CCNL2: variants seen among roughly 807,000 people sequenced by gnomAD.
CCNL2 encodes cyclin L2, also known as cyclin-L2.
CCNL2 carries 28 observed loss-of-function variants against 59.1 expected under a neutral mutation model. The ratio of observed to expected loss-of-function variants is 0.47; its 90% CI spans 0.35 to 0.65. The LOEUF (loss-of-function observed/expected upper bound fraction) is 0.65. Among genes scored for constraint, CCNL2 ranks in the 30% least tolerant of loss-of-function variants. The probability of loss-of-function intolerance (pLI) is 0.00; values close to 1 mark genes in which losing one functional copy is unlikely to be tolerated. For synonymous variants in CCNL2, 342 were observed against 288.6 expected (o/e 1.19, Z -1.88); for missense variants, 714 against 717.4 (o/e 1.00, Z 0.05).
chr1:1,399,298 C>A lies in CCNL2; in HGVS notation c.9G>T (p.Ala3=). Residue 3 remains alanine (A), a synonymous_variant, in exon 1 of 11, where the codon GCG becomes GCT. Transcript: ENST00000400809. The part of the protein sequence containing the change: MA[A]AAAAAGAAGS... ...CTGCAGCACCAGCCGCCGCCGCCGC[C>A]GCCGCCATTTTGTGCCGCCGACTCC... is the stretch of plus-strand genomic sequence containing the variant. 1 of 1,450,938 alleles carries A rather than the reference C, an allele frequency of 6.9e-7. No homozygotes were observed. The highest frequency in any genetic ancestry group is 2.8e-5 in the East Asian group (1 of 35,984). The allele number at this position is 1,450,938 out of a possible 1,614,324, so 89.9% of individuals were successfully genotyped here. A position where few individuals can be genotyped will look rare whatever the true frequency, so the allele number is the denominator to read the frequency against.
chr1:1,393,989 G>T (rs1181761831), intron 4 of CCNL2, among the ~76,000 whole-genome samples: 2 of 152,078 alleles, frequency 1.3e-5, no homozygotes, highest in Admixed American at 1.3e-4. Context: ...AGTCAGGCAT[G>T]GTGGTGCACG....
At chr1:1,395,093 G>A in intron 4 of CCNL2, 2 of 304,588 alleles carry the variant, frequency 6.6e-6, no homozygotes, top group Non-Finnish European at 1.2e-5. Flanking sequence ...AAAATTAACT[G>A]TAGAGAAAGG....
intron 3 of CCNL2, 111 bp from the exon 4 acceptor site, chr1:1,395,625 A>C: frequency 3.5e-6 from 5 of 1,442,144 alleles, no homozygotes; most frequent in South Asian, 1.3e-5. Flanking sequence ...ACAACACAAC[A>C]TCGCTATGAA....
At position 1,390,541 on chromosome 1, in the gene CCNL2, T is replaced by G. The variant is rs376082591; in HGVS notation, c.782A>C (p.His261Pro). Residue 261 changes from histidine (H) to proline (P), a missense_variant, in exon 7 of 11, where the codon CAT becomes CCT. By Grantham distance (77) the His-to-Pro change is moderately conservative. Transcript: ENST00000400809. ...TLEIPLPNRP[H>P]WFLLFGATEE... ...AGTTGCTCCAAACAAAAGAAACCAA[T>G]GGGGACGATTGGGCAAAGGGATCTG... 1.9e-6 allele frequency: 3 copies of G among 1,613,208 alleles called. No homozygotes were observed. Among genetic ancestry groups the G allele is most frequent in the Non-Finnish European group, 2.5e-6 (3 of 1,179,624 alleles).
chr1:1,395,601 C>T, intron 3 of CCNL2, 87 bp from the exon 4 acceptor site: 1 of 1,558,370 alleles, frequency 6.4e-7, no homozygotes, highest in African/African-American at 1.4e-5. Flanking sequence ...CTATGAGCAC[C>T]TAACACAAAC....
intron 5 of CCNL2, chr1:1,391,689 T>C: frequency 1.7e-6 from 1 of 588,832 alleles, no homozygotes; most frequent in South Asian, 1.9e-5. Context: ...AACTTTCATA[T>C]TTAGAAGCTA....
intron 1 of CCNL2, 53 bp from the exon 2 acceptor site, chr1:1,398,724 C>A: frequency 6.6e-7 from 1 of 1,523,594 alleles, no homozygotes; most frequent in Non-Finnish European, 9.1e-7. Flanking sequence ...AAAGCCTTCG[C>A]GGCCGAAAGT....
chr1:1,388,207 A>C, intron 8 of CCNL2, 142 bp from the exon 9 acceptor site: 1 of 663,262 alleles, frequency 1.5e-6, no homozygotes, highest in South Asian at 1.8e-5. Context: ...GCTGGGACCC[A>C]GAACTTACAC....
Position 1,392,914 on chromosome 1 carries a change from C to T in CCNL2, c.659+482G>A, listed in dbSNP as rs1644828825. 7 of 1,111,926 alleles carry T rather than the reference C, an allele frequency of 6.3e-6. No homozygotes were observed. The South Asian group carries it at 8.2e-5, about 13-fold the overall frequency. The allele number at this position is 1,111,926 out of a possible 1,614,324, so 68.9% of individuals were successfully genotyped here. ...AATATGACCCTTACAGACTTAACTC[C>T]ATGGGAAAAAATTCACCAGAATCCC... On this transcript the variant is annotated intron_variant, in intron 5 of 10. Coordinates refer to ENST00000400809, the MANE Select transcript of CCNL2 (RefSeq NM_030937.6).
intron 4 of CCNL2, among the ~76,000 whole-genome samples, chr1:1,394,608 G>A (rs1297448046): frequency 6.6e-6 from 1 of 152,056 alleles, no homozygotes; most frequent in Non-Finnish European, 1.5e-5. Flanking sequence ...AAATTACCCA[G>A]GTGTGGTGGC....
intron 2 of CCNL2, 75 bp downstream of exon 2, chr1:1,398,522 G>A: frequency 1.3e-6 from 2 of 1,583,646 alleles, no homozygotes; most frequent in Non-Finnish European, 8.7e-7. Context: ...CACTCCCTTA[G>A]TAACCGGGCA....
rs967244494 is a variant in CCNL2, at chr1:1,387,010, G to A, written c.*221C>T. 39 of 503,004 alleles carry A rather than the reference G, an allele frequency of 7.8e-5. 1 individual carries two copies. The highest frequency in any genetic ancestry group is 2.4e-4 in the Admixed American group (7 of 29,392). 31.2% of individuals were successfully genotyped at this position (503,004 alleles called of 1,614,324 possible). The stretch of plus-strand genomic sequence containing the variant: ...CCCTGCACGGGCCCAGGTGTGCGCC[G>A]CACCCCAGACCGGTCTGAAGCACGT... On this transcript the variant is annotated 3_prime_UTR_variant, in exon 11 of 11. Coordinates refer to ENST00000400809, the MANE Select transcript of CCNL2 (RefSeq NM_030937.6).
intron 4 of CCNL2, among the ~76,000 whole-genome samples, chr1:1,394,309 C>T (rs556977080): frequency 6.6e-6 from 1 of 152,280 alleles, no homozygotes; most frequent in Admixed American, 6.5e-5. Flanking sequence ...GCACCCACAA[C>T]GCTGGGAGTG....
chr1:1,395,149 T>C, intron 4 of CCNL2: 1 of 444,936 alleles, frequency 2.2e-6, no homozygotes, highest in Non-Finnish European at 4.0e-6. Context: ...CCACTATTTT[T>C]GAAAGCCCAA....
chr1:1,390,631 T>G lies in CCNL2; in HGVS notation c.760-68A>C. The G allele has an allele frequency of 8.0e-6, 12 of 1,494,478 alleles. No homozygotes were observed. The South Asian group carries it at 1.4e-4, about 17-fold the overall frequency. The allele number at this position is 1,494,478 out of a possible 1,614,324, so 92.6% of individuals were successfully genotyped here. A position where few individuals can be genotyped will look rare whatever the true frequency, so the allele number is the denominator to read the frequency against. ...CACGGCCAGCAAGACTCAGGACAAT[T>G]AAAAAACAGCCTGTTGGTCACGAAA... On this transcript the variant is annotated intron_variant, in intron 6 of 10. Coordinates refer to ENST00000400809, the MANE Select transcript of CCNL2 (RefSeq NM_030937.6).
In CCNL2 at chr1:1,387,136, CCCGGGGGTCAAAGGGCAGCCA is replaced by C. The variant is rs1262891752; in HGVS notation, c.*74_*94del. ...TAGGACCACTTGCGCTGAGAGCACACCCGGGGGTCAAAGGGCAGCCACCGGGGGTCAAAGGGCAGCCATCAG... is the reference window on the plus strand; with the variant it reads ...TAGGACCACTTGCGCTGAGAGCACACCCGGGGGTCAAAGGGCAGCCATCAG... On this transcript the variant is annotated 3_prime_UTR_variant, in exon 11 of 11. Coordinates refer to ENST00000400809, the MANE Select transcript of CCNL2 (RefSeq NM_030937.6). 1.4e-4 allele frequency: 136 copies of C among 957,656 alleles called. No individual in the cohort carries two copies. The highest frequency in any genetic ancestry group is 2.0e-4 in the Non-Finnish European group (126 of 629,894). 59.3% of individuals were successfully genotyped at this position (957,656 alleles called of 1,614,324 possible).
At position 1,399,323 on chromosome 1, in the gene CCNL2, C is replaced by T; in HGVS notation, c.-17G>A. ...CGCCGCCATTTTGTGCCGCCGACTC[C>T]CCTTCGGCTTCTTCCCTCAGGGCGG... On this transcript the variant is annotated 5_prime_UTR_variant, in exon 1 of 11. Transcript: ENST00000400809. 1.4e-6 allele frequency: 2 copies of T among 1,435,018 alleles called. No homozygotes were observed. The highest frequency in any genetic ancestry group is 3.0e-5 in the African/African-American group (2 of 66,520). The allele number at this position is 1,435,018 out of a possible 1,614,324, so 88.9% of individuals were successfully genotyped here. A position where few individuals can be genotyped will look rare whatever the true frequency, so the allele number is the denominator to read the frequency against.
In CCNL2 at chr1:1,399,048, C is replaced by T. The variant is rs1341660540; in HGVS notation, c.259G>A (p.Ala87Thr). 4.4e-6 allele frequency: 7 copies of T among 1,603,488 alleles called. No individual in the cohort carries two copies. Among genetic ancestry groups the T allele is most frequent in the Non-Finnish European group, 6.0e-6 (7 of 1,176,464 alleles). The stretch of plus-strand genomic sequence containing the variant: ...GGCAGGCGGAGCAGGATACCGGCCG[C>T]CTGGATGAGCTCGCAGCCCACCACG... ...LRVVGCELIQ[A>T]AGILLRLPQV... The change falls in exon 1 of 11, where the codon GCG becomes ACG. Residue 87 changes from alanine (A) to threonine (T), a missense_variant. Around this residue, in one of 5 missense-constraint regions of CCNL2, gnomAD observed 270 missense variants for 254.9 expected, o/e 1.06. Coordinates refer to ENST00000400809, the MANE Select transcript of CCNL2 (RefSeq NM_030937.6).
At chr1:1,394,196 C>T (rs1157330711) in intron 4 of CCNL2, among the ~76,000 whole-genome samples, 3 of 151,504 alleles carry the variant, frequency 2.0e-5, no homozygotes, top group Middle Eastern at 3.5e-3. Context: ...GGCAGAAAGC[C>T]GAACAAGCAG....
Sources: gnomAD v4.1 joint callset for allele counts (sites outside exome capture counted in the v4.1 genomes callset) on GRCh38, gnomAD v4.1.1 for gene constraint, gnomAD v4.1.1 regional missense constraint, MANE v1.5 for transcripts, NCBI Gene and HGNC (gene_info 2026-07-23, HGNC 2026-07-21) for gene names.